SH3GL2: variants seen among roughly 807,000 people sequenced by gnomAD.
SH3GL2 encodes endophilin-A1.
A neutral mutation model predicts 46.0 loss-of-function variants in SH3GL2; 24 were observed. That is an observed-to-expected ratio of 0.52 (90% CI 0.38 to 0.73). The LOEUF (loss-of-function observed/expected upper bound fraction) is 0.73, where lower values mean the gene tolerates loss of function less well. Among genes scored for constraint, SH3GL2 ranks in the 30% least tolerant of loss-of-function variants. The pLI, the probability that SH3GL2 is intolerant of heterozygous loss-of-function variation, is 0.00. For missense variants in SH3GL2, 413 were observed against 424.2 expected, an observed-to-expected ratio of 0.97 and a Z score of 0.23; for synonymous variants, 196 against 147.1, an observed-to-expected ratio of 1.33 and a Z score of -2.40.
intron 2 of SH3GL2, among the ~76,000 whole-genome samples, chr9:17,756,003 A>G (rs1482795183): frequency 6.6e-6 from 1 of 152,090 alleles, no homozygotes; most frequent in African/African-American, 2.4e-5. Flanking sequence ...CACAGGAATC[A>G]AGATTTTTTT....
In SH3GL2 at chr9:17,755,880, C is replaced by T. The variant is rs558319359; in HGVS notation, c.115-5557C>T. The T allele has an allele frequency of 6.3e-6, 3 of 474,090 alleles. No individual in the cohort carries two copies. In the South Asian group the frequency reaches 2.7e-4, roughly 43 times the overall value. The allele number at this position is 474,090 out of a possible 1,614,324, so 29.4% of individuals were successfully genotyped here. On this transcript the variant is annotated intron_variant, in intron 2 of 8. Coordinates refer to ENST00000380607, the MANE Select transcript of SH3GL2 (RefSeq NM_003026.5). ...AAGAGTAACCCCATTCTAGTCATTT[C>T]CATGCCTTCTATTCTTTAGTATCTT... is the stretch of plus-strand genomic sequence containing the variant.
chr9:17,758,597 T>TAAAAAAAAAAA (rs1823076814), intron 2 of SH3GL2, among the ~76,000 whole-genome samples: 1 of 55,304 alleles, frequency 1.8e-5, no homozygotes, highest in Non-Finnish European at 4.5e-5. Context: ...AAAAAAAAAT[T>TAAAAAAAAAAA]GCAGTCAGTA....
chr9:17,663,343 C>T (rs560691788), intron 1 of SH3GL2, among the ~76,000 whole-genome samples: 1 of 152,182 alleles, frequency 6.6e-6, no homozygotes, highest in Admixed American at 6.5e-5. Context: ...TGCTTTTTTA[C>T]TGTTTATTAA....
chr9:17,666,545 C>T (rs1334156022), intron 1 of SH3GL2, among the ~76,000 whole-genome samples: 3 of 142,148 alleles, frequency 2.1e-5, no homozygotes, highest in East Asian at 2.1e-4. Flanking sequence ...ACAAAGGTAA[C>T]GTGTGTGTGT....
chr9:17,629,980 T>C (rs1385993153), intron 1 of SH3GL2, among the ~76,000 whole-genome samples: 2 of 152,158 alleles, frequency 1.3e-5, no homozygotes, highest in Non-Finnish European at 2.9e-5. Flanking sequence ...AAGTGGCACG[T>C]TTCTGGTTAA....
chr9:17,655,549 G>A (rs986849486), intron 1 of SH3GL2, among the ~76,000 whole-genome samples: 46 of 152,276 alleles, frequency 3.0e-4, no homozygotes, highest in African/African-American at 8.2e-4. Flanking sequence ...AGTGAATTAA[G>A]AATAAATTTT....
intron 1 of SH3GL2, among the ~76,000 whole-genome samples, chr9:17,738,506 A>G (rs1177004237): frequency 2.9e-5 from 4 of 138,498 alleles, no homozygotes; most frequent in African/African-American, 7.6e-5. Context: ...ATACATACAT[A>G]TATACATATG....
At chr9:17,722,080 C>G (rs1255059848) in intron 1 of SH3GL2, among the ~76,000 whole-genome samples, 1 of 152,038 alleles carries the variant, frequency 6.6e-6, no homozygotes, top group African/African-American at 2.4e-5. Context: ...AATTTGTAAA[C>G]TCTACTTTGG....
At chr9:17,624,941 A>G (rs1352910275) in intron 1 of SH3GL2, among the ~76,000 whole-genome samples, 1 of 152,174 alleles carries the variant, frequency 6.6e-6, no homozygotes, top group African/African-American at 2.4e-5. Context: ...AACAATTTTG[A>G]TTTGCAATTG....
chr9:17,787,285 G>A (rs987672120), intron 4 of SH3GL2, 95 bp from the exon 5 acceptor site: 1 of 951,546 alleles, frequency 1.1e-6, no homozygotes, highest in Non-Finnish European at 1.6e-6. Context: ...GAAGACAAGT[G>A]GTAATCCTTT....
chr9:17,745,756 G>T (rs958937847), intron 1 of SH3GL2, among the ~76,000 whole-genome samples: 1 of 152,118 alleles, frequency 6.6e-6, no homozygotes, highest in South Asian at 2.1e-4. Context: ...GGGGCCCTTT[G>T]GAATGAGGTA....
At chr9:17,709,680 TACACACACACACACAC>T (rs3837228) in intron 1 of SH3GL2, among the ~76,000 whole-genome samples, 5 of 148,164 alleles carry the variant, frequency 3.4e-5, no homozygotes, top group African/African-American at 7.5e-5. Flanking sequence ...TTATTTGTAT[TACACACACACACACAC>T]ACACACACAC....
Position 17,656,146 on chromosome 9 carries a change from T to G in SH3GL2, c.45+76859T>G, listed in dbSNP as rs58225848. Among the ~76,000 whole-genome samples the G allele has an allele frequency of 2.0e-3, 298 of 152,346 alleles. 1 individual carries two copies. The highest frequency in any genetic ancestry group is 6.7e-3 in the African/African-American group (279 of 41,568). On this transcript the variant is annotated intron_variant, in intron 1 of 8. Transcript: ENST00000380607. ...GCAATACTCCAATTTCTTTATTTTC[T>G]ATGTAAATTGTGTTGATGGATCAGT...
intron 1 of SH3GL2, among the ~76,000 whole-genome samples, chr9:17,614,250 A>G (rs1371264157): frequency 7.9e-6 from 1 of 126,782 alleles, no homozygotes; most frequent in Non-Finnish European, 1.6e-5. Flanking sequence ...GCCATTGTGC[A>G]TATGTGTATT....
chr9:17,633,304 G>A (rs1819474423), intron 1 of SH3GL2, among the ~76,000 whole-genome samples: 1 of 152,142 alleles, frequency 6.6e-6, no homozygotes, highest in African/African-American at 2.4e-5. Context: ...GTTACTGCAA[G>A]CCCAGTCCAT....
intron 1 of SH3GL2, among the ~76,000 whole-genome samples, chr9:17,599,668 G>A (rs7023659): frequency 0.011 from 1,618 of 152,232 alleles, 30 homozygotes; most frequent in African/African-American, 0.038. Flanking sequence ...TTTCTTTGAC[G>A]TGCTTACGGT....
intron 1 of SH3GL2, among the ~76,000 whole-genome samples, chr9:17,721,015 A>G (rs1821882056): frequency 6.6e-6 from 1 of 152,052 alleles, no homozygotes; most frequent in East Asian, 1.9e-4. Flanking sequence ...AGACTGGTTA[A>G]CAAAACGAGG....
intron 1 of SH3GL2, among the ~76,000 whole-genome samples, chr9:17,651,577 C>T (rs1321144142): frequency 1.3e-5 from 2 of 152,086 alleles, no homozygotes; most frequent in Non-Finnish European, 2.9e-5. Context: ...AGTTAGTTCT[C>T]CATTACCTTA....
At chr9:17,737,823 C>T (rs1346414319) in intron 1 of SH3GL2, among the ~76,000 whole-genome samples, 1 of 152,102 alleles carries the variant, frequency 6.6e-6, no homozygotes, top group Non-Finnish European at 1.5e-5. Context: ...TCTGGCAACA[C>T]ACTCTCCTGT....
Sources: allele counts gnomAD v4.1 joint callset (sites outside exome capture counted in the v4.1 genomes callset), GRCh38; gene constraint gnomAD v4.1.1; transcripts MANE v1.5; gene names NCBI Gene and HGNC (gene_info 2026-07-23, HGNC 2026-07-21).